RANBP17: variants seen among roughly 807,000 people sequenced by gnomAD.
RANBP17 encodes ran-binding protein 17.
A neutral mutation model predicts 141.2 loss-of-function variants in RANBP17; 158 were observed. The observed-to-expected ratio is 1.12, with a 90% CI of 0.98 to 1.28. The LOEUF (loss-of-function observed/expected upper bound fraction) is 1.28, where lower values mean the gene tolerates loss of function less well. Among genes scored for constraint, RANBP17 ranks in the 50% most tolerant of loss-of-function variants. RANBP17 has a pLI of 0.00. For missense variants in RANBP17, 1,438 were observed against 1,290.7 expected (o/e 1.11, Z -1.75); for synonymous variants, 430 against 450.0 (o/e 0.96, Z 0.56).
In RANBP17 at chr5:170,901,506, T is replaced by C. The variant is rs973814443; in HGVS notation, c.489+5391T>C. Among the ~76,000 whole-genome samples the C allele has an allele frequency of 7.2e-5, 11 of 152,342 alleles. No homozygotes were observed. In the East Asian group the frequency reaches 1.9e-3, roughly 27 times the overall value. Reference sequence around the variant, plus strand: ...CAGTCTGTGTCTTTTAATTGGGGCATTTAGCCCATTTACATTTAAGGTTAG... The same window carrying C: ...CAGTCTGTGTCTTTTAATTGGGGCACTTAGCCCATTTACATTTAAGGTTAG... On this transcript the variant is annotated intron_variant, in intron 5 of 27. Coordinates refer to ENST00000523189, the MANE Select transcript of RANBP17 (RefSeq NM_022897.5).
rs769742239 is a variant in RANBP17 at position 170,955,681 on chromosome 5, T to TATATATATATATATATATATACAC, written c.1574+1980_1574+1981insTATATATATATATATATATACACA. Reference sequence around the variant, plus strand: ...ATATATATATATATATATATATATATACACTGAATGAACTCTGTAGAGGAA... The same window carrying TATATATATATATATATATATACAC: ...ATATATATATATATATATATATATATATATATATATATATATATATACACACACTGAATGAACTCTGTAGAGGAA... On this transcript the variant is annotated intron_variant, in intron 13 of 27. Transcript: ENST00000523189. Among the ~76,000 whole-genome samples the TATATATATATATATATATATACAC allele has an allele frequency of 2.4e-3, 93 of 39,086 alleles. 17 individuals carry two copies. Among genetic ancestry groups the TATATATATATATATATATATACAC allele is most frequent in the South Asian group, 0.015 (10 of 666 alleles). 25.6% of individuals were successfully genotyped at this position (39,086 alleles called of 152,430 possible). A position where few individuals can be genotyped will look rare whatever the true frequency, so the allele number is the denominator to read the frequency against.
At chr5:170,946,374 T>C (rs933052932) in intron 12 of RANBP17, among the ~76,000 whole-genome samples, 1 of 152,160 alleles carries the variant, frequency 6.6e-6, no homozygotes, top group Non-Finnish European at 1.5e-5. Context: ...TCATTACATA[T>C]GCATTCACCA....
At chr5:170,886,538 A>G (rs993597891) in intron 3 of RANBP17, among the ~76,000 whole-genome samples, 26 of 152,050 alleles carry the variant, frequency 1.7e-4, no homozygotes, top group Non-Finnish European at 3.4e-4. Context: ...TTAACTTTTT[A>G]TAATAGATTT....
At chr5:171,103,322 C>T (rs1461227358) in intron 14 of RANBP17, among the ~76,000 whole-genome samples, 3 of 152,198 alleles carry the variant, frequency 2.0e-5, no homozygotes, top group African/African-American at 4.8e-5. Flanking sequence ...TCTGGAGAGG[C>T]AGTCTGGCTA....
intron 14 of RANBP17, among the ~76,000 whole-genome samples, chr5:171,101,703 T>C (rs1260817192): frequency 6.6e-6 from 1 of 152,198 alleles, no homozygotes; most frequent in Non-Finnish European, 1.5e-5. Context: ...GGTCTTTACA[T>C]TTTGATTTGT....
At chr5:171,057,814 A>T (rs946878764) in intron 14 of RANBP17, among the ~76,000 whole-genome samples, 18 of 152,042 alleles carry the variant, frequency 1.2e-4, no homozygotes, top group South Asian at 2.1e-4. Flanking sequence ...AAACCATCAG[A>T]TCTTCTGAGA....
At chr5:171,068,154 G>C (rs779655) in intron 14 of RANBP17, among the ~76,000 whole-genome samples, 113,437 of 151,980 alleles carry the variant, frequency 0.75, 42,486 homozygotes, top group South Asian at 0.91. Flanking sequence ...ATGCTGAGAT[G>C]TGCTCTTGAA....
intron 14 of RANBP17, among the ~76,000 whole-genome samples, chr5:170,999,591 G>T (rs936534025): frequency 1.3e-5 from 2 of 152,098 alleles, no homozygotes; most frequent in African/African-American, 4.8e-5. Flanking sequence ...CATTTAGTTT[G>T]ATTGTTTTTA....
chr5:171,188,295 A>T (rs1057414728), intron 18 of RANBP17, among the ~76,000 whole-genome samples: 2 of 152,226 alleles, frequency 1.3e-5, no homozygotes, highest in African/African-American at 4.8e-5. Flanking sequence ...TCGGAGATGT[A>T]ACTGAGTGAC....
intron 14 of RANBP17, among the ~76,000 whole-genome samples, chr5:171,052,099 G>A (rs111772501): frequency 0.014 from 2,194 of 152,114 alleles, 57 homozygotes; most frequent in African/African-American, 0.047. Flanking sequence ...AAATTGGGTC[G>A]TTTGACTTTT....
intron 14 of RANBP17, among the ~76,000 whole-genome samples, chr5:170,999,437 G>A (rs2127574995): frequency 6.6e-6 from 1 of 152,156 alleles, no homozygotes; most frequent in East Asian, 1.9e-4. Context: ...ATTAGGCTGA[G>A]TATATAATTA....
At chr5:171,201,201 A>G (rs1762278818) in intron 19 of RANBP17, among the ~76,000 whole-genome samples, 1 of 152,138 alleles carries the variant, frequency 6.6e-6, no homozygotes, top group Non-Finnish European at 1.5e-5. Flanking sequence ...ATATCCCTAA[A>G]CCAGCAAGTT....
At chr5:171,097,607 T>G (rs888749430) in intron 14 of RANBP17, among the ~76,000 whole-genome samples, 1 of 139,820 alleles carries the variant, frequency 7.2e-6, no homozygotes, top group African/African-American at 2.8e-5. Flanking sequence ...TATGTAGTCT[T>G]TTTATTATTA....
chr5:171,290,167 G>C (rs1768399449), intron 25 of RANBP17, among the ~76,000 whole-genome samples: 1 of 151,938 alleles, frequency 6.6e-6, no homozygotes, highest in South Asian at 2.1e-4. Flanking sequence ...AGGAGTTCGA[G>C]ACCAGCCTGA....
At chr5:171,158,182 TA>T (rs1364627550) in intron 14 of RANBP17, among the ~76,000 whole-genome samples, 2 of 152,250 alleles carry the variant, frequency 1.3e-5, no homozygotes, top group African/African-American at 2.4e-5. Context: ...CACTTGGTTA[TA>T]AAACATAAAT....
At chr5:171,255,731 A>T (rs1254224716) in intron 24 of RANBP17, among the ~76,000 whole-genome samples, 1 of 152,166 alleles carries the variant, frequency 6.6e-6, no homozygotes, top group Non-Finnish European at 1.5e-5. Flanking sequence ...ACCTATGAAG[A>T]AAGCGTTGTG....
intron 14 of RANBP17, among the ~76,000 whole-genome samples, chr5:170,989,407 A>G (rs1176212228): frequency 6.6e-6 from 1 of 151,820 alleles, no homozygotes; most frequent in East Asian, 1.9e-4. Context: ...AAATATTGCG[A>G]AAAGAATTTT....
At chr5:171,236,635 GA>G (rs1250693404) in intron 22 of RANBP17, among the ~76,000 whole-genome samples, 8 of 148,288 alleles carry the variant, frequency 5.4e-5, no homozygotes, top group Middle Eastern at 3.4e-3. Flanking sequence ...GAACTTACAG[GA>G]AAAAAAAAAC....
intron 16 of RANBP17, among the ~76,000 whole-genome samples, chr5:171,176,182 CTATT>C (rs1760471998): frequency 3.9e-5 from 6 of 152,116 alleles, no homozygotes; most frequent in Admixed American, 2.6e-4. Flanking sequence ...CATGATAAAT[CTATT>C]TATCTACTAG....
Sources: allele counts gnomAD v4.1 joint callset (sites outside exome capture counted in the v4.1 genomes callset), GRCh38; gene constraint gnomAD v4.1.1; transcripts MANE v1.5; gene names NCBI Gene and HGNC (gene_info 2026-07-23, HGNC 2026-07-21).